Variants in EHBP1 observed in about 807,000 individuals in gnomAD.
The protein encoded by EHBP1 is EH domain binding protein 1.
In EHBP1, 55 loss-of-function variants were observed where a neutral mutation model predicts 144.0. The ratio of observed to expected loss-of-function variants is 0.38; its 90% CI spans 0.31 to 0.48. The LOEUF (loss-of-function observed/expected upper bound fraction) is 0.48. Among genes scored for constraint, EHBP1 ranks in the 20% least tolerant of loss-of-function variants. The pLI is 0.98. For missense variants in EHBP1, 1,200 were observed against 1,364.2 expected, an observed-to-expected ratio of 0.88 and a Z score of 1.90; for synonymous variants, 469 against 472.7, an observed-to-expected ratio of 0.99 and a Z score of 0.10.
At chr2:62,678,891 CTTAA>C (rs1375031829) in intron 1 of EHBP1, among the ~76,000 whole-genome samples, 3 of 151,850 alleles carry the variant, frequency 2.0e-5, no homozygotes, top group Non-Finnish European at 4.4e-5. Context: ...TTTTCATATC[CTTAA>C]TTATTATTTT....
chr2:62,676,523 A>G (rs999301569), intron 1 of EHBP1, among the ~76,000 whole-genome samples: 1 of 152,242 alleles, frequency 6.6e-6, no homozygotes, highest in African/African-American at 2.4e-5. Flanking sequence ...TGGTGTGAAT[A>G]AAGCCACGGG....
chr2:62,950,014 G>T (rs992960548), intron 13 of EHBP1, among the ~76,000 whole-genome samples: 1 of 152,096 alleles, frequency 6.6e-6, no homozygotes, highest in Non-Finnish European at 1.5e-5. Flanking sequence ...TAACACTCGT[G>T]TATATATAAG....
At chr2:62,735,546 CTG>C (rs1441751521) in intron 2 of EHBP1, among the ~76,000 whole-genome samples, 1 of 151,984 alleles carries the variant, frequency 6.6e-6, no homozygotes, top group Non-Finnish European at 1.5e-5. Context: ...TTTAAATAAA[CTG>C]TTATCTGTTA....
At chr2:62,685,487 C>T (rs997452504) in intron 1 of EHBP1, among the ~76,000 whole-genome samples, 1 of 152,072 alleles carries the variant, frequency 6.6e-6, no homozygotes, top group Non-Finnish European at 1.5e-5. Context: ...TGTTCTCTCT[C>T]TGTGGTTGTC....
chr2:62,973,257 C>T (rs2058573645), intron 14 of EHBP1, among the ~76,000 whole-genome samples: 1 of 152,118 alleles, frequency 6.6e-6, no homozygotes, highest in Non-Finnish European at 1.5e-5. Context: ...TTTGAATCAC[C>T]AAATTCCAGC....
At chr2:62,872,867 T>C (rs1345674694) in intron 9 of EHBP1, among the ~76,000 whole-genome samples, 1 of 152,138 alleles carries the variant, frequency 6.6e-6, no homozygotes, top group Non-Finnish European at 1.5e-5. Flanking sequence ...TCTTGAAAAG[T>C]AGGGAATTGA....
intron 19 of EHBP1, among the ~76,000 whole-genome samples, chr2:63,006,719 G>T (rs2060051606): frequency 6.6e-6 from 1 of 151,704 alleles, no homozygotes; most frequent in Non-Finnish European, 1.5e-5. Flanking sequence ...AAATGCTAAA[G>T]ATCATAATAG....
chr2:62,905,741 T>C (rs1573994414), intron 10 of EHBP1, among the ~76,000 whole-genome samples: 1 of 152,044 alleles, frequency 6.6e-6, no homozygotes, highest in Non-Finnish European at 1.5e-5. Flanking sequence ...TGAGAATCAC[T>C]TGAACCAGGG....
At chr2:62,863,527 C>G (rs1294783252) in intron 8 of EHBP1, among the ~76,000 whole-genome samples, 1 of 152,114 alleles carries the variant, frequency 6.6e-6, no homozygotes, top group African/African-American at 2.4e-5. Flanking sequence ...TATCTATCAG[C>G]TTACCAGTAT....
chr2:62,991,985 T>A (rs1031930240), intron 16 of EHBP1, among the ~76,000 whole-genome samples: 2 of 152,214 alleles, frequency 1.3e-5, no homozygotes, highest in Admixed American at 1.3e-4. Flanking sequence ...TCAATTTAGC[T>A]TTCTGCAGTG....
At chr2:62,743,365 A>G (rs2038889676) in intron 2 of EHBP1, among the ~76,000 whole-genome samples, 1 of 152,000 alleles carries the variant, frequency 6.6e-6, no homozygotes, top group South Asian at 2.1e-4. Context: ...GATATTTATA[A>G]ATAGTTTCTT....
chr2:62,838,490 CAG>C (rs1390676068), intron 7 of EHBP1, among the ~76,000 whole-genome samples: 2 of 152,102 alleles, frequency 1.3e-5, no homozygotes, highest in African/African-American at 4.8e-5. Flanking sequence ...CAACTAAAAT[CAG>C]AGCAGAACTG....
At chr2:62,992,179 A>T (rs2059440026) in intron 16 of EHBP1, among the ~76,000 whole-genome samples, 1 of 152,166 alleles carries the variant, frequency 6.6e-6, no homozygotes, top group Non-Finnish European at 1.5e-5. Flanking sequence ...GGCCTAAAAA[A>T]ATTTAGCTGT....
At chr2:62,979,158 C>G (rs1419618863) in intron 14 of EHBP1, 30 bp from the exon 15 acceptor site, 1 of 1,578,908 alleles carries the variant, frequency 6.3e-7, no homozygotes, top group Non-Finnish European at 8.6e-7. Context: ...CTGTCAATTA[C>G]TGAGTTGGCA....
chr2:62,699,303 G>T (rs2034203091), intron 1 of EHBP1, among the ~76,000 whole-genome samples: 1 of 152,118 alleles, frequency 6.6e-6, no homozygotes, highest in South Asian at 2.1e-4. Context: ...TTTGCCAAAG[G>T]CTCTTAACAT....
chr2:62,776,504 T>G (rs576077700), intron 5 of EHBP1, among the ~76,000 whole-genome samples: 7 of 152,300 alleles, frequency 4.6e-5, no homozygotes, highest in South Asian at 2.1e-4. Flanking sequence ...AAAACTAGAT[T>G]TCTAAATTTT....
intron 19 of EHBP1, among the ~76,000 whole-genome samples, chr2:63,033,675 T>C (rs2061351607): frequency 6.6e-6 from 1 of 152,142 alleles, no homozygotes; most frequent in African/African-American, 2.4e-5. Context: ...CTTTTATTCA[T>C]TTTAAAACTT....
At chr2:62,969,391 C>G (rs1403673996) in intron 14 of EHBP1, among the ~76,000 whole-genome samples, 1 of 151,998 alleles carries the variant, frequency 6.6e-6, no homozygotes, top group African/African-American at 2.4e-5. Flanking sequence ...CACTGCAAAA[C>G]AAATGCTACA....
chr2:63,045,499 A>G lies in EHBP1; in HGVS notation c.3482A>G (p.Ter1161TrpextTer12). The G allele has an allele frequency of 1.2e-6, 2 of 1,611,556 alleles. No individual in the cohort carries two copies. Among genetic ancestry groups the G allele is most frequent in the South Asian group, 1.1e-5 (1 of 90,698 alleles). Reference sequence around the variant, plus strand: ...AAAGAGGAGAAATGTGTTCTTCAGTAGCCATCAGATCAGAAAGAATCTCTC... The same window carrying G: ...AAAGAGGAGAAATGTGTTCTTCAGTGGCCATCAGATCAGAAAGAATCTCTC... ...AKKEEKCVLQ* is the reference protein window; with the variant it reads ...AKKEEKCVLQW Residue 1161 changes from the stop codon to tryptophan (W), a stop_lost, in exon 23 of 23, where the codon TAG becomes TGG. Transcript: ENST00000431489. The surrounding 1 kb of genome is among the most constrained non-coding windows in gnomAD (Gnocchi z 5.7).
Sources: gnomAD v4.1 joint callset for allele counts (sites outside exome capture counted in the v4.1 genomes callset) on GRCh38, gnomAD v4.1.1 for gene constraint, Gnocchi (gnomAD v3.1) non-coding constraint, MANE v1.5 for transcripts, NCBI Gene and HGNC (gene_info 2026-07-23, HGNC 2026-07-21) for gene names.